The following PALM2AKAP2 variants were observed in gnomAD, a reference collection of about 807,000 sequenced individuals.
PALM2AKAP2 encodes PALM2-AKAP2 fusion protein.
A neutral mutation model predicts 71.5 loss-of-function variants in PALM2AKAP2; 37 were observed. The ratio of observed to expected loss-of-function variants is 0.52; its 90% CI spans 0.40 to 0.68. PALM2AKAP2 has a LOEUF of 0.68. PALM2AKAP2 is among the 30% of genes least tolerant of loss of function. The probability of loss-of-function intolerance (pLI) is 0.00; values close to 1 mark genes in which losing one functional copy is unlikely to be tolerated. For missense variants in PALM2AKAP2, 1,224 were observed against 1,191.8 expected (o/e 1.03, Z -0.40); for synonymous variants, 468 against 478.8 (o/e 0.98, Z 0.29).
At chr9:109,957,663 C>G (rs1409824400) in intron 6 of PALM2AKAP2, among the ~76,000 whole-genome samples, 1 of 152,184 alleles carries the variant, frequency 6.6e-6, no homozygotes, top group Non-Finnish European at 1.5e-5. Context: ...ATTAATTCTC[C>G]CAGGAAGCAC....
At chr9:109,737,976 G>A (rs1213904107) in intron 1 of PALM2AKAP2, among the ~76,000 whole-genome samples, 3 of 152,200 alleles carry the variant, frequency 2.0e-5, no homozygotes, top group Non-Finnish European at 4.4e-5. Context: ...CCTTGGCATG[G>A]AAAATCTTTA....
At chr9:109,787,973 T>A (rs2118848350) in intron 1 of PALM2AKAP2, among the ~76,000 whole-genome samples, 1 of 152,384 alleles carries the variant, frequency 6.6e-6, no homozygotes, top group South Asian at 2.1e-4. Context: ...AATATCGGGT[T>A]GCATTTTCAC....
upstream of PALM2AKAP2, among the ~76,000 whole-genome samples, chr9:109,779,137 G>A (rs1301780346): frequency 6.6e-6 from 1 of 152,138 alleles, no homozygotes; most frequent in Non-Finnish European, 1.5e-5. Flanking sequence ...AGTTATTTCA[G>A]TGTTTATTTC....
intron 1 of PALM2AKAP2, among the ~76,000 whole-genome samples, chr9:109,666,864 A>G (rs1021960424): frequency 1.3e-5 from 2 of 152,260 alleles, no homozygotes; most frequent in African/African-American, 4.8e-5. Flanking sequence ...GGAACAAAGC[A>G]GTTAGATGTG....
At chr9:109,879,045 G>A (rs1004086626) in intron 2 of PALM2AKAP2, among the ~76,000 whole-genome samples, 1 of 152,162 alleles carries the variant, frequency 6.6e-6, no homozygotes, top group Admixed American at 6.5e-5. Context: ...CCCAGTGTTG[G>A]TTATTTTTAA....
chr9:110,090,231 GTCC>G, intron 1 of PALM2AKAP2: 1 of 409,584 alleles, frequency 2.4e-6, no homozygotes, highest in South Asian at 1.8e-5. Flanking sequence ...TGCGAGCTCA[GTCC>G]TGCTTCCCCT....
In PALM2AKAP2 at chr9:110,043,201, G is replaced by C. The variant is rs1038589272; in HGVS notation, c.582+27162G>C. Among the ~76,000 whole-genome samples the C allele has an allele frequency of 1.9e-4, 29 of 152,062 alleles. 1 individual carries two copies. Among genetic ancestry groups the C allele is most frequent in the Non-Finnish European group, 2.9e-4 (20 of 68,000 alleles). On this transcript the variant is annotated intron_variant, in intron 7 of 9. Coordinates refer to the PALM2AKAP2 transcript ENST00000302798. ...CACATAAACCCCTTCCTTCCCTTTG[G>C]TGTCCCAGTTTTCAAATGCTGTTAT...
chr9:109,708,042 C>G (rs1233248768), intron 1 of PALM2AKAP2, among the ~76,000 whole-genome samples: 1 of 152,156 alleles, frequency 6.6e-6, no homozygotes, highest in Admixed American at 6.6e-5. Flanking sequence ...ATTTACAGAA[C>G]AAAAGGTCCC....
intron 1 of PALM2AKAP2, among the ~76,000 whole-genome samples, chr9:109,720,076 C>A (rs1828383427): frequency 6.6e-6 from 1 of 151,992 alleles, no homozygotes; most frequent in Admixed American, 6.6e-5. Context: ...ACAACCTCTG[C>A]CTCCTGGGTT....
At chr9:109,772,795 G>C (rs115689777) in intron 1 of PALM2AKAP2, among the ~76,000 whole-genome samples, 4 of 152,144 alleles carry the variant, frequency 2.6e-5, no homozygotes, top group African/African-American at 7.2e-5. Flanking sequence ...CTTTTCTCCC[G>C]GTGCACTGAG....
chr9:110,048,711 C>G, exon 1 of PALM2AKAP2: 1 of 1,547,664 alleles, frequency 6.5e-7, no homozygotes, highest in Middle Eastern at 2.3e-4. Context: ...TGCGCTGGCC[C>G]CAGCCCGGGG....
chr9:109,977,647 C>A (rs1056361567), intron 6 of PALM2AKAP2, among the ~76,000 whole-genome samples: 2 of 152,166 alleles, frequency 1.3e-5, no homozygotes, highest in African/African-American at 4.8e-5. Flanking sequence ...TTGAACTGAT[C>A]TGGAAAAACT....
chr9:109,809,115 C>T (rs1277229597), intron 1 of PALM2AKAP2, among the ~76,000 whole-genome samples: 1 of 152,190 alleles, frequency 6.6e-6, no homozygotes, highest in Non-Finnish European at 1.5e-5. Flanking sequence ...GGATTGTAGC[C>T]TCCACACAGT....
At chr9:110,051,182 C>T (rs1015521738) in intron 1 of PALM2AKAP2, among the ~76,000 whole-genome samples, 15 of 152,170 alleles carry the variant, frequency 9.9e-5, no homozygotes, top group African/African-American at 3.6e-4. Flanking sequence ...CTCATTATCT[C>T]ATAGTTCTGG....
intron 6 of PALM2AKAP2, among the ~76,000 whole-genome samples, chr9:109,980,047 G>A (rs193153493): frequency 1.0e-3 from 153 of 152,182 alleles, no homozygotes; most frequent in African/African-American, 3.6e-3. Flanking sequence ...CCCCACACAT[G>A]CCCATCCCTG....
intron 1 of PALM2AKAP2, among the ~76,000 whole-genome samples, chr9:109,749,504 G>A (rs1403742435): frequency 6.7e-6 from 1 of 150,306 alleles, no homozygotes; most frequent in Non-Finnish European, 1.5e-5. Context: ...TCTGAGGTTG[G>A]CTATATGTGA....
intron 6 of PALM2AKAP2, chr9:109,945,482 G>C (rs1432707509): frequency 6.6e-6 from 1 of 152,194 alleles, no homozygotes; most frequent in Admixed American, 6.5e-5. Context: ...ATTTTCCTGA[G>C]TACGTGGTCA....
At chr9:109,830,163 C>T (rs1318078533) in intron 1 of PALM2AKAP2, among the ~76,000 whole-genome samples, 1 of 152,154 alleles carries the variant, frequency 6.6e-6, no homozygotes, top group Non-Finnish European at 1.5e-5. Flanking sequence ...AAAAATGTGC[C>T]TGCATGGACT....
chr9:110,092,343 A>C (rs566273752), intron 1 of PALM2AKAP2, among the ~76,000 whole-genome samples: 1 of 152,302 alleles, frequency 6.6e-6, no homozygotes, highest in East Asian at 1.9e-4. Context: ...AAAAAAAAGA[A>C]GTAAGATCTG....
Sources: gnomAD v4.1 joint callset for allele counts (sites outside exome capture counted in the v4.1 genomes callset) on GRCh38, gnomAD v4.1.1 for gene constraint, MANE v1.5 for transcripts, NCBI Gene and HGNC (gene_info 2026-07-23, HGNC 2026-07-21) for gene names.